TEX36: variants seen among roughly 807,000 people sequenced by gnomAD.
The protein encoded by TEX36 is testis expressed 36.
Under a neutral mutation model 13.6 loss-of-function variants are expected in TEX36, and 12 were observed. That is an observed-to-expected ratio of 0.88 (90% CI 0.56 to 1.43). The LOEUF is 1.43. Ranked by LOEUF, TEX36 falls within the 40% of genes most tolerant of loss-of-function variation. The probability of loss-of-function intolerance (pLI) is 0.00; values close to 1 mark genes in which losing one functional copy is unlikely to be tolerated. For missense variants in TEX36, 224 were observed against 228.3 expected, an observed-to-expected ratio of 0.98 and a Z score of 0.12; for synonymous variants, 93 against 83.0, an observed-to-expected ratio of 1.12 and a Z score of -0.65.
intron 1 of TEX36, among the ~76,000 whole-genome samples, chr10:125,675,968 T>C (rs1004932825): frequency 6.6e-5 from 10 of 152,242 alleles, no homozygotes; most frequent in South Asian, 2.1e-4. Flanking sequence ...TATTCTACTG[T>C]GGTCTGAGAA....
chr10:125,643,473 A>G (rs1363738241), intron 3 of TEX36, among the ~76,000 whole-genome samples: 2 of 152,130 alleles, frequency 1.3e-5, no homozygotes, highest in Non-Finnish European at 2.9e-5. Flanking sequence ...GCCGGGCACG[A>G]TGGCTCATGC....
intron 3 of TEX36, among the ~76,000 whole-genome samples, chr10:125,605,099 G>A (rs1366650199): frequency 1.3e-5 from 2 of 152,210 alleles, no homozygotes; most frequent in African/African-American, 4.8e-5. Context: ...AAAGGTTGGG[G>A]ATGGCTGCTC....
At chr10:125,645,964 A>T (rs1846761967) in intron 3 of TEX36, among the ~76,000 whole-genome samples, 1 of 152,242 alleles carries the variant, frequency 6.6e-6, no homozygotes. Flanking sequence ...AAATTAATTA[A>T]TAAAATGTTG....
chr10:125,628,628 T>G (rs906969763), intron 3 of TEX36, among the ~76,000 whole-genome samples: 3 of 152,236 alleles, frequency 2.0e-5, no homozygotes, highest in African/African-American at 7.2e-5. Flanking sequence ...GGAGGAATCT[T>G]TTAGAAGTGC....
At chr10:125,652,770 G>A (rs1480168250), downstream of TEX36, among the ~76,000 whole-genome samples, 1 of 152,144 alleles carries the variant, frequency 6.6e-6, no homozygotes, top group African/African-American at 2.4e-5. Flanking sequence ...ATTCTACAAA[G>A]AGCTTAAACA....
intron 3 of TEX36, among the ~76,000 whole-genome samples, chr10:125,638,374 GAAGA>G (rs1292183339): frequency 1.3e-5 from 2 of 152,216 alleles, no homozygotes; most frequent in South Asian, 2.1e-4. Context: ...GAGAGAGAGA[GAAGA>G]GAGAAGAATT....
At chr10:125,609,176 A>C (rs896768289) in intron 3 of TEX36, among the ~76,000 whole-genome samples, 17 of 150,106 alleles carry the variant, frequency 1.1e-4, no homozygotes, top group African/African-American at 4.2e-4. Flanking sequence ...AAACAAAAAA[A>C]AAAAAACTTT....
chr10:125,613,094 A>G (rs1412898653), intron 3 of TEX36, among the ~76,000 whole-genome samples: 1 of 151,676 alleles, frequency 6.6e-6, no homozygotes, highest in African/African-American at 2.4e-5. Flanking sequence ...ACAGTAGCAG[A>G]GTGTCGTGTT....
exon 4 of TEX36, chr10:125,576,542 G>A: frequency 1.6e-6 from 1 of 628,922 alleles, no homozygotes. Context: ...CAGGGAGATA[G>A]CCCTATTAAT....
At chr10:125,583,147 G>A (rs1191968545) in intron 3 of TEX36, among the ~76,000 whole-genome samples, 1 of 152,222 alleles carries the variant, frequency 6.6e-6, no homozygotes, top group African/African-American at 2.4e-5. Context: ...CTGTCCAGCA[G>A]CCAGGAACTA....
At chr10:125,651,532 C>A (rs755134908), downstream of TEX36, among the ~76,000 whole-genome samples, 152 of 152,268 alleles carry the variant, frequency 1.0e-3, no homozygotes, top group Non-Finnish European at 1.8e-3. Flanking sequence ...AAACCCACAG[C>A]CAATATCATA....
intron 3 of TEX36, among the ~76,000 whole-genome samples, chr10:125,586,519 G>A (rs958462703): frequency 6.6e-6 from 1 of 151,524 alleles, no homozygotes; most frequent in Non-Finnish European, 1.5e-5. Context: ...ATTTGCCAGG[G>A]TGGCTCTTGC....
downstream of TEX36, among the ~76,000 whole-genome samples, chr10:125,651,047 C>T (rs964969249): frequency 6.6e-6 from 1 of 152,212 alleles, no homozygotes; most frequent in African/African-American, 2.4e-5. Context: ...GATGGATTCA[C>T]AGCCGAATTC....
intron 1 of TEX36, among the ~76,000 whole-genome samples, chr10:125,677,874 G>T (rs1006963641): frequency 6.6e-6 from 1 of 152,030 alleles, no homozygotes; most frequent in African/African-American, 2.4e-5. Flanking sequence ...TAGAGATGGG[G>T]TTTCACCATG....
chr10:125,630,966 T>C (rs1044525721), intron 3 of TEX36, among the ~76,000 whole-genome samples: 1 of 151,880 alleles, frequency 6.6e-6, no homozygotes, highest in Non-Finnish European at 1.5e-5. Flanking sequence ...GAATGGGACT[T>C]CTCCCTATGC....
intron 3 of TEX36, among the ~76,000 whole-genome samples, chr10:125,615,961 TC>T (rs1375699224): frequency 6.6e-6 from 1 of 152,166 alleles, no homozygotes; most frequent in Non-Finnish European, 1.5e-5. Flanking sequence ...CAATTTCAGC[TC>T]CTGTTATTGG....
chr10:125,634,125 G>A (rs1846594720), intron 3 of TEX36, among the ~76,000 whole-genome samples: 1 of 152,136 alleles, frequency 6.6e-6, no homozygotes, highest in Non-Finnish European at 1.5e-5. Flanking sequence ...ATTCATTTAA[G>A]GGAGGGGATA....
intron 3 of TEX36, among the ~76,000 whole-genome samples, chr10:125,626,430 C>G (rs989280471): frequency 1.2e-4 from 19 of 152,248 alleles, no homozygotes; most frequent in African/African-American, 4.6e-4. Flanking sequence ...GTGCTGTTTA[C>G]AGAGCACTTT....
intron 3 of TEX36, among the ~76,000 whole-genome samples, chr10:125,623,962 G>C (rs955610572): frequency 5.3e-5 from 8 of 152,218 alleles, no homozygotes; most frequent in Non-Finnish European, 1.0e-4. Flanking sequence ...GTGAGCGTTA[G>C]TGGGATTAAC....
Sources: allele counts gnomAD v4.1 joint callset (sites outside exome capture counted in the v4.1 genomes callset), GRCh38; gene constraint gnomAD v4.1.1; transcripts MANE v1.5; gene names NCBI Gene and HGNC (gene_info 2026-07-23, HGNC 2026-07-21).